Variants in TBC1D5 observed in about 807,000 individuals in gnomAD.
The protein encoded by TBC1D5 is TBC1 domain family member 5, also known as TBC1 domain family, member 5.
Under a neutral mutation model 100.3 loss-of-function variants are expected in TBC1D5, and 75 were observed. That is an observed-to-expected ratio of 0.75 (90% CI 0.62 to 0.91). TBC1D5 has a LOEUF of 0.91. TBC1D5 is among the 40% of genes least tolerant of loss of function. The pLI is 0.00. For missense variants in TBC1D5, 910 were observed against 942.4 expected, an observed-to-expected ratio of 0.97 and a Z score of 0.45; for synonymous variants, 323 against 325.6, an observed-to-expected ratio of 0.99 and a Z score of 0.09.
intron 13 of TBC1D5, among the ~76,000 whole-genome samples, chr3:17,368,985 A>G (rs2092321910): frequency 6.6e-6 from 1 of 152,192 alleles, no homozygotes; most frequent in Non-Finnish European, 1.5e-5. Flanking sequence ...AAAGGAATAA[A>G]CAGTAGCACA....
intron 2 of TBC1D5, chr3:17,518,957 G>A (rs1576476581): frequency 6.6e-6 from 1 of 152,346 alleles, no homozygotes; most frequent in African/African-American, 2.4e-5. Context: ...CAGCACTTGT[G>A]CACTCCAGTT....
intron 13 of TBC1D5, among the ~76,000 whole-genome samples, chr3:17,319,077 T>A (rs943864121): frequency 6.6e-6 from 1 of 152,228 alleles, no homozygotes; most frequent in Non-Finnish European, 1.5e-5. Context: ...AGAATTGTAT[T>A]TCGGGCTAAT....
At chr3:17,616,671 T>C (rs535866564) in intron 2 of TBC1D5, among the ~76,000 whole-genome samples, 7 of 152,362 alleles carry the variant, frequency 4.6e-5, no homozygotes, top group South Asian at 4.1e-4. Flanking sequence ...TGGATCTTTA[T>C]TGGCTTATAG....
intron 2 of TBC1D5, among the ~76,000 whole-genome samples, chr3:17,573,497 C>T (rs1031090529): frequency 6.6e-6 from 1 of 151,692 alleles, no homozygotes; most frequent in Admixed American, 6.6e-5. Flanking sequence ...TTTCCTCTTA[C>T]AGGAAAAAAG....
chr3:17,345,996 C>G (rs935161212), intron 13 of TBC1D5, among the ~76,000 whole-genome samples: 8 of 150,718 alleles, frequency 5.3e-5, no homozygotes, highest in Admixed American at 4.0e-4. Context: ...GTGCAGCACA[C>G]CAGCATGGCA....
At chr3:17,654,902 T>C (rs2065910529) in intron 1 of TBC1D5, among the ~76,000 whole-genome samples, 1 of 152,160 alleles carries the variant, frequency 6.6e-6, no homozygotes, top group Non-Finnish European at 1.5e-5. Context: ...GGTGTATGTG[T>C]CGAGCAATTT....
At chr3:17,161,053 G>C in exon 22 of TBC1D5, 1 of 1,614,232 alleles carries the variant, frequency 6.2e-7, no homozygotes, top group Non-Finnish European at 8.5e-7. Flanking sequence ...AGGAAGCTGA[G>C]GCTGGGCCCA....
rs138271611 is a variant in TBC1D5, at chr3:17,335,008, AATAAG to A, written c.996-26879_996-26875del. ...ATTGTCCATGTACCCTTTTAATCAAAATAAGATGACAGAGATTTAAATTTGGCCTA... is the reference window on the plus strand; with the variant it reads ...ATTGTCCATGTACCCTTTTAATCAAAATGACAGAGATTTAAATTTGGCCTA... On this transcript the variant is annotated intron_variant, in intron 13 of 21. Coordinates refer to ENST00000253692, the Ensembl canonical transcript of TBC1D5. Among the ~76,000 whole-genome samples, 728 of 152,294 alleles carry A rather than the reference AATAAG, an allele frequency of 4.8e-3. 5 individuals carry two copies. The highest frequency in any genetic ancestry group is 0.016 in the African/African-American group (675 of 41,572).
At chr3:17,196,196 T>C (rs553062343) in intron 18 of TBC1D5, among the ~76,000 whole-genome samples, 3 of 152,348 alleles carry the variant, frequency 2.0e-5, no homozygotes, top group South Asian at 4.1e-4. Context: ...GCAGATTACG[T>C]AGGACACCCT....
At chr3:17,722,431 T>C (rs1010907920) in intron 1 of TBC1D5, among the ~76,000 whole-genome samples, 3 of 152,204 alleles carry the variant, frequency 2.0e-5, no homozygotes, top group African/African-American at 7.2e-5. Context: ...TTTTACACAA[T>C]ATTTTGTGCA....
At chr3:17,310,458 G>A (rs2083892572) in intron 13 of TBC1D5, among the ~76,000 whole-genome samples, 1 of 151,956 alleles carries the variant, frequency 6.6e-6, no homozygotes, top group African/African-American at 2.4e-5. Flanking sequence ...CCAGGGCAAG[G>A]ACCAAATCCT....
intron 1 of TBC1D5, among the ~76,000 whole-genome samples, chr3:17,670,183 C>T (rs547889851): frequency 1.3e-5 from 2 of 152,254 alleles, no homozygotes; most frequent in East Asian, 3.9e-4. Flanking sequence ...CCACCACGCC[C>T]GGCCAGACTG....
At chr3:17,497,087 G>GACACACACACAC (rs71049202) in intron 3 of TBC1D5, among the ~76,000 whole-genome samples, 91 of 129,084 alleles carry the variant, frequency 7.0e-4, no homozygotes, top group Non-Finnish European at 1.1e-3. Context: ...CTCTCTCTCT[G>GACACACACACAC]ACACACACAC....
chr3:17,244,919 C>T (rs115067139), intron 16 of TBC1D5, among the ~76,000 whole-genome samples: 1 of 150,882 alleles, frequency 6.6e-6, no homozygotes, highest in African/African-American at 2.4e-5. Context: ...GGTGTGGTGG[C>T]TCAGTCCTGT....
intron 2 of TBC1D5, among the ~76,000 whole-genome samples, chr3:17,549,018 C>G (rs1352025968): frequency 6.6e-6 from 1 of 152,176 alleles, no homozygotes; most frequent in African/African-American, 2.4e-5. Flanking sequence ...CAAGTGGTGG[C>G]CAGGCAGGGT....
At chr3:17,383,885 G>A in intron 9 of TBC1D5, 28 bp downstream of exon 9, 8 of 1,550,868 alleles carry the variant, frequency 5.2e-6, no homozygotes, top group Non-Finnish European at 7.0e-6. Flanking sequence ...TGAGTCAATG[G>A]ATGCCACCTG....
At chr3:17,493,557 A>T (rs1193928985) in intron 3 of TBC1D5, among the ~76,000 whole-genome samples, 2 of 152,060 alleles carry the variant, frequency 1.3e-5, no homozygotes, top group African/African-American at 4.8e-5. Context: ...TCTTTCAGGT[A>T]CCCCAGTCAG....
intron 1 of TBC1D5, among the ~76,000 whole-genome samples, chr3:17,657,144 A>G (rs554887291): frequency 6.6e-6 from 1 of 152,046 alleles, no homozygotes; most frequent in East Asian, 1.9e-4. Flanking sequence ...AACAAAACAA[A>G]CAAACAAAAA....
At chr3:17,650,644 T>C (rs2065459748) in intron 1 of TBC1D5, among the ~76,000 whole-genome samples, 1 of 152,210 alleles carries the variant, frequency 6.6e-6, no homozygotes, top group Non-Finnish European at 1.5e-5. Flanking sequence ...AAGGCAGGGC[T>C]TTCACATAGT....
Sources: gnomAD v4.1 joint callset for allele counts (sites outside exome capture counted in the v4.1 genomes callset) on GRCh38, gnomAD v4.1.1 for gene constraint, MANE v1.5 for transcripts, NCBI Gene and HGNC (gene_info 2026-07-23, HGNC 2026-07-21) for gene names.